SCGN: variants seen among roughly 807,000 people sequenced by gnomAD.
SCGN encodes secretagogin.
In SCGN, 30 loss-of-function variants were observed where a neutral mutation model predicts 39.7. That is an observed-to-expected ratio of 0.76 (90% CI 0.57 to 1.03). The LOEUF (loss-of-function observed/expected upper bound fraction) is 1.03. Ranked by LOEUF, SCGN falls within the 50% of genes least tolerant of loss-of-function variation. The pLI, the probability that SCGN is intolerant of heterozygous loss-of-function variation, is 0.00. For synonymous variants in SCGN, 106 were observed against 114.1 expected (o/e 0.93, Z 0.45); for missense variants, 353 against 349.4 (o/e 1.01, Z -0.08).
At chr6:25,669,050 G>T (rs56206297) in intron 4 of SCGN, among the ~76,000 whole-genome samples, 21,689 of 150,638 alleles carry the variant, frequency 0.14, 1,607 homozygotes, top group Non-Finnish European at 0.16. Context: ...GGCGGAGCTT[G>T]CAGTGAGCCG....
chr6:25,669,342 G>A (rs1221906621), intron 4 of SCGN, among the ~76,000 whole-genome samples, 169 bp from the exon 5 acceptor site: 2 of 152,108 alleles, frequency 1.3e-5, no homozygotes, highest in Non-Finnish European at 2.9e-5. Flanking sequence ...TCCATTTCTG[G>A]TGGATTGTGC....
intron 7 of SCGN, among the ~76,000 whole-genome samples, chr6:25,687,305 C>A (rs1468511026): frequency 6.6e-6 from 1 of 152,132 alleles, no homozygotes; most frequent in Non-Finnish European, 1.5e-5. Flanking sequence ...AATATTAAGT[C>A]TCCCAGTGTA....
chr6:25,664,966 G>A lies in SCGN; in HGVS notation c.270G>A (p.Glu90=), dbSNP rs1457779762. 4 of 1,613,866 alleles carry A rather than the reference G, an allele frequency of 2.5e-6. No individual in the cohort carries two copies. The highest frequency in any genetic ancestry group is 1.7e-6 in the Non-Finnish European group (2 of 1,179,838). The change falls in exon 4 of 11, where the codon GAG becomes GAA. Residue 90 remains glutamate, a synonymous_variant. Coordinates refer to ENST00000377961, the MANE Select transcript of SCGN (RefSeq NM_006998.4). ...AGCTTGCTGGTATGTTCTTATCTGA[G>A]GATGAAAACTTTCTTCTGCTCTTTC... is the stretch of plus-strand genomic sequence containing the variant. The part of the protein sequence containing the change: ...MKELAGMFLS[E]DENFLLLFRR...
chr6:25,697,987 C>A (rs1034656268), intron 10 of SCGN, among the ~76,000 whole-genome samples: 13 of 152,122 alleles, frequency 8.5e-5, no homozygotes, highest in African/African-American at 2.4e-4. Context: ...GTAGATACAA[C>A]CTCCTAGGGT....
intron 6 of SCGN, 78 bp from the exon 7 acceptor site, chr6:25,681,873 C>T: frequency 7.9e-7 from 1 of 1,262,502 alleles, no homozygotes; most frequent in Non-Finnish European, 1.2e-6. Context: ...ATCAGAAGAG[C>T]AAAATAGAAA....
chr6:25,669,674 T>C (rs2151379029), intron 5 of SCGN, 107 bp downstream of exon 5: 1 of 930,982 alleles, frequency 1.1e-6, no homozygotes, highest in Non-Finnish European at 1.7e-6. Context: ...TTTGAATATG[T>C]GACTCAAAAA....
In SCGN at chr6:25,689,490, A is replaced by G. The variant is rs1759749069; in HGVS notation, c.591A>G (p.Glu197=). 1.2e-6 allele frequency: 2 copies of G among 1,613,812 alleles called. No individual in the cohort carries two copies. The highest frequency in any genetic ancestry group is 1.7e-6 in the Non-Finnish European group (2 of 1,179,712). ...TTACACAGGCTTGTTCTACTGAAGAAAGGAAAAGGGACTTTGAGAAAATCT... is the reference window on the plus strand; with the variant it reads ...TTACACAGGCTTGTTCTACTGAAGAGAGGAAAAGGGACTTTGAGAAAATCT... The part of the protein sequence containing the change: ...QFKMDACSTE[E]RKRDFEKIFA... Residue 197 remains glutamate (E), a synonymous_variant, in exon 9 of 11, where the codon GAA becomes GAG. Transcript: ENST00000377961.
At chr6:25,671,822 C>T (rs1440621166) in intron 6 of SCGN, among the ~76,000 whole-genome samples, 2 of 152,202 alleles carry the variant, frequency 1.3e-5, no homozygotes, top group Non-Finnish European at 2.9e-5. Flanking sequence ...TCTAGTTCAG[C>T]ATATTTTTAA....
chr6:25,655,379 T>C (rs567473167), intron 2 of SCGN, among the ~76,000 whole-genome samples: 2 of 152,170 alleles, frequency 1.3e-5, no homozygotes, highest in Non-Finnish European at 2.9e-5. Context: ...TCATCTGAGA[T>C]TTTGGCTAAC....
At chr6:25,688,730 A>T (rs1582587098) in intron 7 of SCGN, among the ~76,000 whole-genome samples, 1 of 147,294 alleles carries the variant, frequency 6.8e-6, no homozygotes, top group East Asian at 2.2e-4. Context: ...TGAACCTGGG[A>T]GGCGGAGCTT....
chr6:25,668,920 G>C (rs1012500641), intron 4 of SCGN, among the ~76,000 whole-genome samples: 1 of 152,108 alleles, frequency 6.6e-6, no homozygotes, highest in African/African-American at 2.4e-5. Context: ...GACCATCCTG[G>C]CTAACACGGT....
intron 2 of SCGN, among the ~76,000 whole-genome samples, chr6:25,656,752 G>A (rs1035647225): frequency 6.6e-6 from 1 of 152,148 alleles, no homozygotes; most frequent in African/African-American, 2.4e-5. Flanking sequence ...TTGGGGTTAG[G>A]GGTCTGAGAA....
At chr6:25,687,802 C>T (rs1759723901) in intron 7 of SCGN, among the ~76,000 whole-genome samples, 1 of 152,150 alleles carries the variant, frequency 6.6e-6, no homozygotes, top group Admixed American at 6.5e-5. Flanking sequence ...GCACGTTCAA[C>T]AGACATTTTC....
intron 10 of SCGN, among the ~76,000 whole-genome samples, chr6:25,696,213 A>G (rs1185826036): frequency 6.6e-6 from 1 of 152,218 alleles, no homozygotes; most frequent in Non-Finnish European, 1.5e-5. Flanking sequence ...TTTAAATTGT[A>G]AAAATGATAC....
intron 3 of SCGN, among the ~76,000 whole-genome samples, chr6:25,661,878 G>C (rs1760344252): frequency 6.6e-6 from 1 of 151,910 alleles, no homozygotes; most frequent in South Asian, 2.1e-4. Context: ...ATTTTATTTA[G>C]GTCAATCAAT....
chr6:25,697,008 A>G (rs1759847588), intron 10 of SCGN, among the ~76,000 whole-genome samples: 2 of 152,320 alleles, frequency 1.3e-5, no homozygotes, highest in South Asian at 4.1e-4. Flanking sequence ...CGATGGGAAG[A>G]AAGTTGAAAG....
At chr6:25,675,310 T>G (rs961715177) in intron 6 of SCGN, among the ~76,000 whole-genome samples, 2 of 152,270 alleles carry the variant, frequency 1.3e-5, no homozygotes, top group Non-Finnish European at 2.9e-5. Flanking sequence ...TGAGTAGGCC[T>G]GAACTACAGC....
intron 9 of SCGN, among the ~76,000 whole-genome samples, chr6:25,689,892 C>T (rs1246277567): frequency 6.6e-6 from 1 of 151,942 alleles, no homozygotes; most frequent in Non-Finnish European, 1.5e-5. Context: ...AAAAGTCATA[C>T]CTATTTATCA....
intron 7 of SCGN, among the ~76,000 whole-genome samples, chr6:25,688,249 T>C (rs1018658653): frequency 2.0e-5 from 3 of 152,224 alleles, no homozygotes; most frequent in African/African-American, 7.2e-5. Context: ...GTATTTCTTA[T>C]AGGTCATGTT....
Sources: gnomAD v4.1 joint callset for allele counts (sites outside exome capture counted in the v4.1 genomes callset) on GRCh38, gnomAD v4.1.1 for gene constraint, MANE v1.5 for transcripts, NCBI Gene and HGNC (gene_info 2026-07-23, HGNC 2026-07-21) for gene names.